Variants in ALG12 observed in about 807,000 individuals in gnomAD.
ALG12 encodes the protein ALG12 alpha-1,6-mannosyltransferase, also known as dol-P-Man:Man(7)GlcNAc(2)-PP-Dol alpha-1,6-mannosyltransferase.
Under a neutral mutation model 46.0 loss-of-function variants are expected in ALG12, and 36 were observed. That is an observed-to-expected ratio of 0.78 (90% CI 0.60 to 1.03). ALG12 has a LOEUF of 1.03. Ranked by LOEUF, ALG12 falls within the 50% of genes least tolerant of loss-of-function variation. The pLI, the probability that ALG12 is intolerant of heterozygous loss-of-function variation, is 0.00. For synonymous variants in ALG12, 326 were observed against 291.6 expected (o/e 1.12, Z -1.20); for missense variants, 599 against 633.5 (o/e 0.95, Z 0.58).
the ALG12 span, among the ~76,000 whole-genome samples, chr22:49,865,652 G>A: frequency 1.3e-5 from 2 of 152,040 alleles, no homozygotes; most frequent in Admixed American, 1.3e-4. Context: ...TCCAGTCTGG[G>A]CGACAGAGTG....
the ALG12 span, chr22:49,884,022 C>G: frequency 1.6e-5 from 25 of 1,607,540 alleles, no homozygotes; most frequent in Admixed American, 1.6e-4. Context: ...AGTCTCCAGC[C>G]TGGAAGCATT....
At chr22:49,914,564 G>C (rs1223817163) in intron 1 of ALG12, among the ~76,000 whole-genome samples, 1 of 152,228 alleles carries the variant, frequency 6.6e-6, no homozygotes, top group African/African-American at 2.4e-5. Context: ...AGCTTCCTGA[G>C]AGGCCAGCAA....
At chr22:49,862,225 A>G in the ALG12 span, among the ~76,000 whole-genome samples, 1 of 152,130 alleles carries the variant, frequency 6.6e-6, no homozygotes, top group African/African-American at 2.4e-5. Flanking sequence ...ACCTATACGG[A>G]GCGGCCCCAA....
chr22:49,915,340 C>T (rs1221982383), intron 1 of ALG12, among the ~76,000 whole-genome samples: 1 of 152,020 alleles, frequency 6.6e-6, no homozygotes, highest in Non-Finnish European at 1.5e-5. Context: ...GGGTGGATCA[C>T]GAGGTCAGCA....
rs1348468113 is a variant in ALG12, at chr22:49,901,223, A to C, written c.*2615T>G. On this transcript the variant is annotated 3_prime_UTR_variant, in exon 10 of 10. Coordinates refer to ENST00000330817, the MANE Select transcript of ALG12 (RefSeq NM_024105.4). Reference sequence around the variant, plus strand: ...GTGAATACCTGAGACACACAGGTGGATGGATGGGGGAGGGAGCCCATGTCT... The same window carrying C: ...GTGAATACCTGAGACACACAGGTGGCTGGATGGGGGAGGGAGCCCATGTCT... 6.6e-6 allele frequency: 1 copy of C among 152,282 alleles called. No homozygotes were observed. The highest frequency in any genetic ancestry group is 1.5e-5 in the Non-Finnish European group (1 of 68,064). The allele number at this position is 152,282 out of a possible 1,614,324, so 9.4% of individuals were successfully genotyped here.
chr22:49,903,522 T>G lies in ALG12; in HGVS notation c.*316A>C, dbSNP rs1464597764. 2 of 546,948 alleles carry G rather than the reference T, an allele frequency of 3.7e-6. No individual in the cohort carries two copies. Among genetic ancestry groups the G allele is most frequent in the Admixed American group, 4.4e-5 (2 of 45,052 alleles). 33.9% of individuals were successfully genotyped at this position (546,948 alleles called of 1,614,324 possible). On this transcript the variant is annotated 3_prime_UTR_variant, in exon 10 of 10. Transcript: ENST00000330817. ...CAGACAGGTGCCTGGGTGAGCCCGC[T>G]GCTCCTGATTAGTCATGAATGGCAC...
At chr22:49,879,262 T>C in the ALG12 span, among the ~76,000 whole-genome samples, 1 of 149,918 alleles carries the variant, frequency 6.7e-6, no homozygotes, top group East Asian at 2.1e-4. Flanking sequence ...GTAGCTGGGA[T>C]TACAGGCACG....
At position 49,905,226 on chromosome 22, in the gene ALG12, C is replaced by T. The variant is rs1014829720; in HGVS notation, c.993-720G>A. On this transcript the variant is annotated intron_variant, in intron 7 of 9. Transcript: ENST00000330817. This position sits in a 1 kb window ranked among gnomAD's most constrained non-coding sequence, Gnocchi z 4.9. ...CAGCTGCCACAGACAGTGTGGCCCA[C>T]GAAGATGAGGCTCTTTATTAGCTGG... Among the ~76,000 whole-genome samples the T allele has an allele frequency of 1.3e-5, 2 of 152,098 alleles. No homozygotes were observed. Among genetic ancestry groups the T allele is most frequent in the Admixed American group, 6.6e-5 (1 of 15,254 alleles).
chr22:49,872,828 C>T, the ALG12 span, among the ~76,000 whole-genome samples: 1 of 152,046 alleles, frequency 6.6e-6, no homozygotes, highest in Non-Finnish European at 1.5e-5. Flanking sequence ...GCCTCAGCCT[C>T]CCGAGTAGCT....
chr22:49,877,481 G>A, the ALG12 span, among the ~76,000 whole-genome samples: 4 of 151,894 alleles, frequency 2.6e-5, no homozygotes, highest in South Asian at 2.1e-4. Context: ...TAGTAGAGAC[G>A]GGGTTTCACC....
the ALG12 span, among the ~76,000 whole-genome samples, chr22:49,863,640 A>G: frequency 3.3e-5 from 5 of 152,178 alleles, no homozygotes; most frequent in African/African-American, 1.2e-4. Context: ...AAAAAAAAAA[A>G]AAGTGTGATG....
chr22:49,896,469 C>T (rs1303047084), downstream of ALG12, among the ~76,000 whole-genome samples: 2 of 152,212 alleles, frequency 1.3e-5, no homozygotes, highest in Non-Finnish European at 2.9e-5. Context: ...GCCATGTGAG[C>T]CCTTATGCAG....
At chr22:49,884,476 G>T in the ALG12 span, 1 of 1,614,222 alleles carries the variant, frequency 6.2e-7, no homozygotes, top group Non-Finnish European at 8.5e-7. Context: ...GAACTTAGCG[G>T]AGAAGAGCCT....
chr22:49,909,727 C>T (rs997391533), intron 5 of ALG12, among the ~76,000 whole-genome samples, 167 bp downstream of exon 5: 2 of 152,190 alleles, frequency 1.3e-5, no homozygotes, highest in Non-Finnish European at 2.9e-5. Flanking sequence ...CGGTGGGTCC[C>T]CCTGGAGATC....
At chr22:49,914,348 G>A (rs1408508470) in intron 1 of ALG12, among the ~76,000 whole-genome samples, 1 of 152,260 alleles carries the variant, frequency 6.6e-6, no homozygotes, top group Non-Finnish European at 1.5e-5. Flanking sequence ...CAGGGCTCGA[G>A]TGGCCAGCAA....
chr22:49,865,850 T>G, the ALG12 span, among the ~76,000 whole-genome samples: 1 of 149,676 alleles, frequency 6.7e-6, no homozygotes, highest in South Asian at 2.1e-4. Flanking sequence ...ATAAAATCCT[T>G]GGTTCACATT....
chr22:49,879,140 T>G, the ALG12 span, among the ~76,000 whole-genome samples: 1 of 144,288 alleles, frequency 6.9e-6, no homozygotes, highest in African/African-American at 2.6e-5. Flanking sequence ...TGGGACTCCA[T>G]CTCAAAAAAA....
the ALG12 span, among the ~76,000 whole-genome samples, chr22:49,867,687 T>G: frequency 6.6e-6 from 1 of 152,202 alleles, no homozygotes; most frequent in African/African-American, 2.4e-5. Flanking sequence ...TATCACACGC[T>G]TGATGACATC....
At chr22:49,911,534 A>G (rs986441764) in intron 3 of ALG12, among the ~76,000 whole-genome samples, 3 of 152,070 alleles carry the variant, frequency 2.0e-5, no homozygotes, top group Non-Finnish European at 4.4e-5. Flanking sequence ...TTCCGGGTTC[A>G]AGCAATTCTC....
Sources: gnomAD v4.1 joint callset for allele counts (sites outside exome capture counted in the v4.1 genomes callset) on GRCh38, gnomAD v4.1.1 for gene constraint, Gnocchi (gnomAD v3.1) non-coding constraint, MANE v1.5 for transcripts, NCBI Gene and HGNC (gene_info 2026-07-23, HGNC 2026-07-21) for gene names.